Variants in HOMER2 observed in about 807,000 individuals in gnomAD.
HOMER2 encodes homer scaffold protein 2.
Under a neutral mutation model 47.0 loss-of-function variants are expected in HOMER2, and 27 were observed. The observed-to-expected ratio is 0.57, with a 90% CI of 0.42 to 0.79. The LOEUF is 0.79. Ranked by LOEUF, HOMER2 falls within the 30% of genes least tolerant of loss-of-function variation. The probability of loss-of-function intolerance (pLI) is 0.00; values close to 1 mark genes in which losing one functional copy is unlikely to be tolerated. For missense variants in HOMER2, 443 were observed against 435.0 expected, an observed-to-expected ratio of 1.02 and a Z score of -0.16; for synonymous variants, 161 against 163.8, an observed-to-expected ratio of 0.98 and a Z score of 0.13.
intron 1 of HOMER2, among the ~76,000 whole-genome samples, chr15:82,939,902 T>C (rs1038516622): frequency 3.3e-5 from 5 of 151,960 alleles, no homozygotes; most frequent in Non-Finnish European, 4.4e-5. Context: ...AAAGGATGAG[T>C]TCATGTCCTT....
intron 3 of HOMER2, among the ~76,000 whole-genome samples, chr15:82,871,027 T>C (rs1353759196): frequency 6.6e-6 from 1 of 152,268 alleles, no homozygotes; most frequent in Admixed American, 6.5e-5. Context: ...TCTCCTTTCA[T>C]AAGCTCTTCC....
chr15:82,939,024 T>C (rs2054203236), intron 1 of HOMER2, among the ~76,000 whole-genome samples: 1 of 152,224 alleles, frequency 6.6e-6, no homozygotes, highest in Non-Finnish European at 1.5e-5. Context: ...TTCTTTCTCC[T>C]TAGAAGGTCA....
At position 82,923,800 on chromosome 15, in the gene HOMER2, TTGA is replaced by T. The variant is rs1288564635; in HGVS notation, c.5+28728_5+28730del. The stretch of plus-strand genomic sequence containing the variant: ...TGACAGCTGGAACCCTGGCTTATGG[TTGA>T]TCTTACCATCAACCTCCTTCATTTT... On this transcript the variant is annotated intron_variant, in intron 1 of 8. Coordinates refer to ENST00000450735, the MANE Select transcript of HOMER2 (RefSeq NM_004839.4). Among the ~76,000 whole-genome samples the T allele has an allele frequency of 5.9e-5, 9 of 152,294 alleles. No homozygotes were observed. The East Asian group carries it at 1.7e-3, about 29-fold the overall frequency.
At chr15:82,877,487 A>C (rs1312874420) in intron 2 of HOMER2, among the ~76,000 whole-genome samples, 1 of 152,182 alleles carries the variant, frequency 6.6e-6, no homozygotes, top group African/African-American at 2.4e-5. Flanking sequence ...GGAAAGGTTA[A>C]ACTAACTTGC....
chr15:82,852,296 A>T (rs1156532220), intron 6 of HOMER2, 44 bp from the exon 7 acceptor site: 3 of 1,346,736 alleles, frequency 2.2e-6, no homozygotes, highest in Non-Finnish European at 2.1e-6. Flanking sequence ...CCAGCTTAAC[A>T]TTAGTCATTA....
At chr15:82,954,895 C>T (rs2054572391), upstream of HOMER2, among the ~76,000 whole-genome samples, 1 of 151,946 alleles carries the variant, frequency 6.6e-6, no homozygotes, top group Non-Finnish European at 1.5e-5. Flanking sequence ...TCTCCTGCCT[C>T]AGCCTCCCAA....
chr15:82,840,960 A>G (rs1167751654), exon 2 of HOMER2: 1 of 152,084 alleles, frequency 6.6e-6, no homozygotes, highest in Non-Finnish European at 1.5e-5. Flanking sequence ...GTTCTTTTTA[A>G]TTTTTTTAAG....
At chr15:82,956,528 A>C (rs928179016), upstream of HOMER2, among the ~76,000 whole-genome samples, 15 of 152,182 alleles carry the variant, frequency 9.9e-5, no homozygotes, top group Non-Finnish European at 1.6e-4. Flanking sequence ...TTATATTGTT[A>C]AAATATCACT....
intron 1 of HOMER2, among the ~76,000 whole-genome samples, chr15:82,928,058 G>A (rs529029205): frequency 2.0e-5 from 3 of 151,854 alleles, no homozygotes; most frequent in African/African-American, 4.8e-5. Flanking sequence ...GGATGACTGC[G>A]GGCCCGGCCC....
exon 2 of HOMER2, chr15:82,841,284 G>A (rs546263289): frequency 1.3e-5 from 2 of 152,080 alleles, no homozygotes; most frequent in Admixed American, 6.6e-5. Flanking sequence ...GAAATGCAGA[G>A]ATGTCTTAAC....
At chr15:82,942,970 C>G (rs1357174588) in intron 1 of HOMER2, among the ~76,000 whole-genome samples, 1 of 152,162 alleles carries the variant, frequency 6.6e-6, no homozygotes, top group Admixed American at 6.5e-5. Context: ...GGCAGCCACA[C>G]AGTGGCTGAA....
intron 2 of HOMER2, among the ~76,000 whole-genome samples, chr15:82,889,494 C>G (rs936558319): frequency 1.3e-5 from 2 of 152,196 alleles, no homozygotes; most frequent in Non-Finnish European, 2.9e-5. Context: ...GGGCAACAGA[C>G]AAGAGCCCAT....
At chr15:82,914,852 A>G (rs536440970) in intron 1 of HOMER2, among the ~76,000 whole-genome samples, 1 of 152,302 alleles carries the variant, frequency 6.6e-6, no homozygotes, top group Admixed American at 6.5e-5. Flanking sequence ...GAACAGCTCA[A>G]TGGCACCAAA....
At chr15:82,841,250 C>T (rs557037743) in exon 2 of HOMER2, 1 of 152,100 alleles carries the variant, frequency 6.6e-6, no homozygotes, top group African/African-American at 2.4e-5. Context: ...GAATAGTATA[C>T]TATGACTACA....
upstream of HOMER2, among the ~76,000 whole-genome samples, chr15:82,953,873 ACTCCGT>A (rs1567074684): frequency 6.6e-6 from 1 of 152,228 alleles, no homozygotes; most frequent in East Asian, 1.9e-4. Context: ...ACAGAGCGAG[ACTCCGT>A]CTCAAAAAAT....
intron 1 of HOMER2, among the ~76,000 whole-genome samples, chr15:82,941,404 C>G (rs570559370): frequency 7.2e-6 from 1 of 138,666 alleles, no homozygotes; most frequent in Non-Finnish European, 1.5e-5. Context: ...GTTCACACCA[C>G]TGCACTCTAG....
chr15:82,839,552 T>C (rs977408471), exon 2 of HOMER2: 3 of 152,226 alleles, frequency 2.0e-5, no homozygotes, highest in Non-Finnish European at 4.4e-5. Context: ...CTACAGAAAC[T>C]ATTACAACAA....
intron 8 of HOMER2, among the ~76,000 whole-genome samples, chr15:82,850,826 C>T (rs556243505): frequency 5.3e-5 from 8 of 152,336 alleles, no homozygotes; most frequent in Admixed American, 1.3e-4. Context: ...GAAGTGGCCC[C>T]ACACCCTGAC....
chr15:82,907,117 G>C (rs2053309474), intron 1 of HOMER2, among the ~76,000 whole-genome samples: 1 of 152,334 alleles, frequency 6.6e-6, no homozygotes, highest in Non-Finnish European at 1.5e-5. Flanking sequence ...CACTTTGGGA[G>C]GCCAAGGCAG....
Sources: gnomAD v4.1 joint callset for allele counts (sites outside exome capture counted in the v4.1 genomes callset) on GRCh38, gnomAD v4.1.1 for gene constraint, MANE v1.5 for transcripts, NCBI Gene and HGNC (gene_info 2026-07-23, HGNC 2026-07-21) for gene names.